The following GHR variants were observed in gnomAD, a reference collection of about 807,000 sequenced individuals.
GHR encodes the protein GH receptor.
Under a neutral mutation model 67.1 loss-of-function variants are expected in GHR, and 35 were observed. The observed-to-expected ratio is 0.52, with a 90% confidence interval of 0.40 to 0.69. The LOEUF is 0.69. GHR is among the 30% of genes least tolerant of loss of function. GHR has a pLI of 0.00. For missense variants in GHR, 792 were observed against 764.6 expected (o/e 1.04, Z -0.42); for synonymous variants, 272 against 269.1 (o/e 1.01, Z -0.10).
At chr5:42,565,769 G>A (rs1404489535) in intron 1 of GHR, 95 bp from the exon 2 acceptor site, 4 of 1,607,128 alleles carry the variant, frequency 2.5e-6, no homozygotes, top group Admixed American at 1.7e-5. Flanking sequence ...TGACTCGTCA[G>A]CTCATTCATG....
In GHR at chr5:42,512,363, G is replaced by A. The variant is rs954267860; in HGVS notation, c.-11-53501G>A. On this transcript the variant is annotated intron_variant, in intron 1 of 9. Coordinates refer to ENST00000230882, the MANE Select transcript of GHR (RefSeq NM_000163.5). ...TGGTGATTCATTAGGTATGGGGCTG[G>A]GGGTGGGGCACAGGGTAGGCAGAGG... Among the ~76,000 whole-genome samples, 89 of 152,118 alleles carry A rather than the reference G, an allele frequency of 5.9e-4. 1 individual carries two copies. The highest frequency in any genetic ancestry group is 1.2e-4 in the Non-Finnish European group (8 of 68,026).
At chr5:42,601,081 C>G (rs1298597025) in intron 2 of GHR, among the ~76,000 whole-genome samples, 1 of 151,848 alleles carries the variant, frequency 6.6e-6, no homozygotes, top group African/African-American at 2.4e-5. Flanking sequence ...CGCATGCCAC[C>G]ATGCTCAGCT....
chr5:42,559,651 C>T (rs575674608), intron 1 of GHR, among the ~76,000 whole-genome samples: 2 of 152,336 alleles, frequency 1.3e-5, no homozygotes, highest in South Asian at 2.1e-4. Context: ...ACACGTTACA[C>T]ATTTAAAATT....
At position 42,622,695 on chromosome 5, in the gene GHR, G is replaced by A. The variant is rs77639156; in HGVS notation, c.71-6343G>A. ...TACTTGTGTTTGCACTGTCTATTCA[G>A]GGGTGTTTCTAAATGCCATTGCTAC... On this transcript the variant is annotated intron_variant, in intron 2 of 9. Coordinates refer to ENST00000230882, the MANE Select transcript of GHR (RefSeq NM_000163.5). Among the ~76,000 whole-genome samples the A allele has an allele frequency of 3.7e-3, 565 of 152,266 alleles. 2 individuals carry two copies. Among genetic ancestry groups the A allele is most frequent in the African/African-American group, 0.013 (545 of 41,542 alleles).
At chr5:42,576,120 A>AAATAC (rs1750708683) in intron 2 of GHR, among the ~76,000 whole-genome samples, 1 of 98,330 alleles carries the variant, frequency 1.0e-5, no homozygotes, top group Non-Finnish European at 2.0e-5. Flanking sequence ...AAATAAAATA[A>AAATAC]AATAAAATAA....
intron 1 of GHR, among the ~76,000 whole-genome samples, chr5:42,537,435 A>G (rs66784890): frequency 0.35 from 53,165 of 151,964 alleles, 10,581 homozygotes; most frequent in African/African-American, 0.54. Flanking sequence ...TTCAGGAGTA[A>G]CTTATTTAGT....
At chr5:42,624,323 A>G (rs2112725080) in intron 2 of GHR, among the ~76,000 whole-genome samples, 1 of 152,250 alleles carries the variant, frequency 6.6e-6, no homozygotes, top group Middle Eastern at 3.4e-3. Flanking sequence ...TGACCCCCAC[A>G]TTCCATTTCT....
intron 1 of GHR, among the ~76,000 whole-genome samples, chr5:42,492,607 T>C (rs1031966864): frequency 2.6e-5 from 4 of 152,214 alleles, no homozygotes; most frequent in African/African-American, 9.6e-5. Context: ...TTTTTAAAAG[T>C]AATTAACTAG....
rs1750713294 is a variant in GHR at position 42,576,123 on chromosome 5, T to TAAAATAAAATAA, written c.70+10182_70+10193dup. 1.0e-3 allele frequency among the ~76,000 whole-genome samples: 89 copies of TAAAATAAAATAA among 84,970 alleles called. 1 individual carries two copies. The highest frequency in any genetic ancestry group is 4.3e-3 in the South Asian group (15 of 3,492). The allele number at this position is 84,970 out of a possible 152,430, so 55.7% of individuals were successfully genotyped here. On this transcript the variant is annotated intron_variant, in intron 2 of 9. Coordinates refer to ENST00000230882, the MANE Select transcript of GHR (RefSeq NM_000163.5). The stretch of plus-strand genomic sequence containing the variant: ...ATAAATAAAATAAAATAAAATAAAA[T>TAAAATAAAATAA]AAAATAAAATAAAATAAAATAGTAA...
intron 1 of GHR, among the ~76,000 whole-genome samples, chr5:42,436,539 C>T (rs1444806791): frequency 6.6e-6 from 1 of 152,054 alleles, no homozygotes. Flanking sequence ...CATAAATTGA[C>T]CACAATGCTC....
intron 3 of GHR, among the ~76,000 whole-genome samples, chr5:42,684,617 T>A (rs758986938): frequency 2.1e-4 from 32 of 152,188 alleles, no homozygotes; most frequent in Middle Eastern, 3.2e-3. Flanking sequence ...CTCGTACACC[T>A]CAGTGTTCTG....
chr5:42,719,660 C>A lies in GHR; in HGVS notation c.*236C>A, dbSNP rs1758923689. ...AAATATTTTAAAGAATTGTGTCAGA[C>A]TGTTTAGTAGCAGTGATTGTCTTAA... On this transcript the variant is annotated 3_prime_UTR_variant, in exon 10 of 10. Transcript: ENST00000230882. 1.9e-6 allele frequency: 1 copy of A among 520,118 alleles called. No homozygotes were observed. 32.2% of individuals were successfully genotyped at this position (520,118 alleles called of 1,614,324 possible). A position where few individuals can be genotyped will look rare whatever the true frequency, so the allele number is the denominator to read the frequency against.
At chr5:42,644,478 G>A (rs903484474) in intron 3 of GHR, among the ~76,000 whole-genome samples, 10 of 152,008 alleles carry the variant, frequency 6.6e-5, no homozygotes, top group African/African-American at 2.2e-4. Flanking sequence ...GGAGAATCAC[G>A]GATTTATACA....
At chr5:42,480,833 CTT>C (rs1745595538) in intron 1 of GHR, among the ~76,000 whole-genome samples, 1 of 152,166 alleles carries the variant, frequency 6.6e-6, no homozygotes, top group Non-Finnish European at 1.5e-5. Context: ...GGTCTTGACT[CTT>C]TATCCAATTT....
At chr5:42,543,230 G>T (rs1191216458) in intron 1 of GHR, among the ~76,000 whole-genome samples, 1 of 152,120 alleles carries the variant, frequency 6.6e-6, no homozygotes, top group African/African-American at 2.4e-5. Flanking sequence ...CATGGAGGTT[G>T]TACTAATTGA....
At chr5:42,550,746 GA>G (rs1748985419) in intron 1 of GHR, among the ~76,000 whole-genome samples, 1 of 152,152 alleles carries the variant, frequency 6.6e-6, no homozygotes, top group Non-Finnish European at 1.5e-5. Context: ...TGGACTGTGG[GA>G]AGCCGAGTTC....
chr5:42,689,781 T>G (rs1481475770), intron 4 of GHR, among the ~76,000 whole-genome samples: 1 of 152,188 alleles, frequency 6.6e-6, no homozygotes, highest in East Asian at 1.9e-4. Flanking sequence ...ACTTTATTTG[T>G]GGTGGAAAGC....
intron 1 of GHR, among the ~76,000 whole-genome samples, chr5:42,441,472 G>C (rs189129638): frequency 9.2e-5 from 14 of 152,064 alleles, no homozygotes; most frequent in Middle Eastern, 3.4e-3. Context: ...AAACAAAAAG[G>C]ATAAGGCTTT....
At chr5:42,637,282 A>G (rs1754243284) in intron 3 of GHR, among the ~76,000 whole-genome samples, 1 of 152,184 alleles carries the variant, frequency 6.6e-6, no homozygotes, top group Admixed American at 6.5e-5. Flanking sequence ...ACCATTCTAA[A>G]CAGCAAAGCA....
Sources: allele counts gnomAD v4.1 joint callset (sites outside exome capture counted in the v4.1 genomes callset), GRCh38; gene constraint gnomAD v4.1.1; transcripts MANE v1.5; gene names NCBI Gene and HGNC (gene_info 2026-07-23, HGNC 2026-07-21).